COMMD1: variants seen among roughly 807,000 people sequenced by gnomAD.
COMMD1 encodes copper metabolism domain containing 1.
A neutral mutation model predicts 17.2 loss-of-function variants in COMMD1; 10 were observed. The observed-to-expected ratio is 0.58, with a 90% CI of 0.36 to 0.99. The LOEUF (loss-of-function observed/expected upper bound fraction) is 0.99. Among genes scored for constraint, COMMD1 ranks in the 50% least tolerant of loss-of-function variants. The probability of loss-of-function intolerance (pLI) is 0.01; values close to 1 mark genes in which losing one functional copy is unlikely to be tolerated. For synonymous variants in COMMD1, 97 were observed against 91.6 expected, an observed-to-expected ratio of 1.06 and a Z score of -0.34; for missense variants, 270 against 231.8, an observed-to-expected ratio of 1.17 and a Z score of -1.07.
At chr2:62,069,818 T>C (rs958615201) in intron 2 of COMMD1, 3 of 152,246 alleles carry the variant, frequency 2.0e-5, no homozygotes, top group African/African-American at 7.2e-5. Context: ...ATACAAGCTG[T>C]TGAATTCAGA....
chr2:62,061,554 C>CTTT (rs57638195), intron 2 of COMMD1, among the ~76,000 whole-genome samples: 12 of 131,534 alleles, frequency 9.1e-5, no homozygotes, highest in Non-Finnish European at 1.3e-4. Context: ...TCTTTCTTTT[C>CTTT]TTTTTTTTTT....
At chr2:61,910,800 T>C (rs1669884342) in intron 1 of COMMD1, among the ~76,000 whole-genome samples, 1 of 152,198 alleles carries the variant, frequency 6.6e-6, no homozygotes, top group African/African-American at 2.4e-5. Context: ...CAAAAAATTT[T>C]AGGCCGGGCG....
intron 1 of COMMD1, among the ~76,000 whole-genome samples, chr2:61,978,007 A>T (rs1671851974): frequency 6.6e-6 from 1 of 151,282 alleles, no homozygotes; most frequent in Admixed American, 6.6e-5. Flanking sequence ...AAAAAAGTTG[A>T]CATTGAGCCA....
chr2:62,010,895 A>T (rs931170066), intron 2 of COMMD1, among the ~76,000 whole-genome samples: 3 of 152,212 alleles, frequency 2.0e-5, no homozygotes, highest in Admixed American at 2.0e-4. Flanking sequence ...CTGTTAATGC[A>T]TAACTCAGAA....
At chr2:62,104,443 GACCA>G (rs1158868013) in intron 2 of COMMD1, among the ~76,000 whole-genome samples, 1 of 151,882 alleles carries the variant, frequency 6.6e-6, no homozygotes, top group Non-Finnish European at 1.5e-5. Flanking sequence ...AGACCAGCCT[GACCA>G]ACATGGTAAA....
rs554030626 is a variant in COMMD1, at chr2:61,976,670, T to G, written c.181-24031T>G. 6.0e-4 allele frequency among the ~76,000 whole-genome samples: 92 copies of G among 152,268 alleles called. 1 individual carries two copies. In the Middle Eastern group the frequency reaches 0.01, roughly 17 times the overall value. On this transcript the variant is annotated intron_variant, in intron 1 of 2. Coordinates refer to ENST00000311832, the MANE Select transcript of COMMD1 (RefSeq NM_152516.4). ...GGATCATTAATCAACTAAATCTAAG[T>G]AACATTTATGTACTACTACAGTGGG...
chr2:62,095,074 A>G (rs552409451), intron 2 of COMMD1, among the ~76,000 whole-genome samples: 9 of 152,348 alleles, frequency 5.9e-5, no homozygotes, highest in East Asian at 1.9e-4. Context: ...CACATGTGCA[A>G]TAATTCTCAC....
intron 1 of COMMD1, among the ~76,000 whole-genome samples, chr2:61,971,540 A>G (rs1309770883): frequency 6.6e-6 from 1 of 152,094 alleles, no homozygotes; most frequent in Non-Finnish European, 1.5e-5. Context: ...GAAAAAGGAG[A>G]AAAAAGGTGT....
At chr2:62,119,547 G>A (rs562820750) in intron 2 of COMMD1, among the ~76,000 whole-genome samples, 1 of 152,244 alleles carries the variant, frequency 6.6e-6, no homozygotes, top group Non-Finnish European at 1.5e-5. Context: ...CTTATCCTTG[G>A]TCATTTCAAC....
chr2:62,019,387 C>G (rs549508591), intron 2 of COMMD1, among the ~76,000 whole-genome samples: 2 of 152,050 alleles, frequency 1.3e-5, no homozygotes, highest in African/African-American at 2.4e-5. Context: ...GTTGGCCAGG[C>G]TGGTCCCAAA....
At chr2:61,946,675 T>G (rs1315517745) in intron 1 of COMMD1, among the ~76,000 whole-genome samples, 1 of 152,200 alleles carries the variant, frequency 6.6e-6, no homozygotes, top group Non-Finnish European at 1.5e-5. Flanking sequence ...AGTACACTAT[T>G]GATATTAAAG....
intron 2 of COMMD1, among the ~76,000 whole-genome samples, chr2:62,054,620 A>T (rs1200928251): frequency 6.6e-6 from 1 of 152,220 alleles, no homozygotes; most frequent in Non-Finnish European, 1.5e-5. Context: ...GACAAGTAGC[A>T]CATGTTCTCA....
At chr2:62,095,573 T>G (rs1187928537) in intron 2 of COMMD1, among the ~76,000 whole-genome samples, 1 of 152,032 alleles carries the variant, frequency 6.6e-6, no homozygotes, top group African/African-American at 2.4e-5. Context: ...TTTGGCTGTA[T>G]GTCATCAATA....
At chr2:62,005,479 A>G (rs565922890) in intron 2 of COMMD1, among the ~76,000 whole-genome samples, 2 of 152,230 alleles carry the variant, frequency 1.3e-5, no homozygotes, top group South Asian at 4.1e-4. Flanking sequence ...AGAATCTACA[A>G]TGAACTCAAA....
intron 2 of COMMD1, among the ~76,000 whole-genome samples, chr2:62,041,864 G>A (rs1000340000): frequency 6.6e-6 from 1 of 152,212 alleles, no homozygotes; most frequent in Non-Finnish European, 1.5e-5. Context: ...TGCTGTGAGT[G>A]TTGCAGCTCA....
chr2:62,132,819 G>A lies in COMMD1; in HGVS notation c.463-3012G>A, dbSNP rs1350097959. On this transcript the variant is annotated intron_variant, in intron 2 of 2. Coordinates refer to ENST00000311832, the MANE Select transcript of COMMD1 (RefSeq NM_152516.4). ...TGGGCCACTGTACTCCAACCTGGGC[G>A]ACAGAGCGAGACTCTTGTCTCAAAA... Among the ~76,000 whole-genome samples the A allele has an allele frequency of 3.3e-5, 5 of 149,312 alleles. No homozygotes were observed. The East Asian group carries it at 7.9e-4, about 24-fold the overall frequency.
chr2:61,897,659 G>C (rs1669577825), intron 1 of COMMD1, among the ~76,000 whole-genome samples: 1 of 152,162 alleles, frequency 6.6e-6, no homozygotes, highest in Non-Finnish European at 1.5e-5. Flanking sequence ...TGAGGCAGGA[G>C]AATCGCGTGA....
intron 1 of COMMD1, among the ~76,000 whole-genome samples, chr2:61,932,651 A>G (rs1376887518): frequency 3.9e-5 from 6 of 152,302 alleles, no homozygotes; most frequent in East Asian, 3.9e-4. Flanking sequence ...AGAAAAGGTC[A>G]TGGTAAGATG....
At chr2:62,125,941 G>A (rs908812345) in intron 2 of COMMD1, among the ~76,000 whole-genome samples, 2 of 151,800 alleles carry the variant, frequency 1.3e-5, no homozygotes, top group African/African-American at 4.8e-5. Flanking sequence ...CCCCCGACAG[G>A]CCCCAGTGAA....
Sources: allele counts gnomAD v4.1 joint callset (sites outside exome capture counted in the v4.1 genomes callset), GRCh38; gene constraint gnomAD v4.1.1; transcripts MANE v1.5; gene names NCBI Gene and HGNC (gene_info 2026-07-23, HGNC 2026-07-21).